Variants in PDE1C observed in about 807,000 individuals in gnomAD.
The protein encoded by PDE1C is phosphodiesterase 1C.
PDE1C carries 62 observed loss-of-function variants against 93.1 expected under a neutral mutation model. That is an observed-to-expected ratio of 0.67 (90% confidence interval 0.54 to 0.82). The LOEUF (loss-of-function observed/expected upper bound fraction) is 0.82. PDE1C is among the 40% of genes least tolerant of loss of function. The pLI is 0.00. For synonymous variants in PDE1C, 325 were observed against 310.1 expected, an observed-to-expected ratio of 1.05 and a Z score of -0.50; for missense variants, 742 against 884.6, an observed-to-expected ratio of 0.84 and a Z score of 2.04.
intron 2 of PDE1C, among the ~76,000 whole-genome samples, chr7:31,889,634 C>A (rs1354425581): frequency 6.6e-6 from 1 of 152,134 alleles, no homozygotes; most frequent in Admixed American, 6.6e-5. Flanking sequence ...AGTGAATCTC[C>A]TTTGGGGATA....
intron 15 of PDE1C, among the ~76,000 whole-genome samples, chr7:31,813,392 A>G (rs1253587086): frequency 6.6e-6 from 1 of 152,150 alleles, no homozygotes; most frequent in Non-Finnish European, 1.5e-5. Context: ...CTGGCTATAC[A>G]GTGTCTGGTT....
At chr7:32,338,622 T>C (rs918255303) in intron 1 of PDE1C, among the ~76,000 whole-genome samples, 5 of 152,220 alleles carry the variant, frequency 3.3e-5, no homozygotes, top group Admixed American at 2.6e-4. Context: ...CCAGGAATAC[T>C]ACTTCTGGGT....
intron 9 of PDE1C, chr7:31,847,748 G>A (rs1792813067): frequency 4.1e-6 from 2 of 489,684 alleles, no homozygotes; most frequent in Admixed American, 3.6e-5. Flanking sequence ...ACATTCCATA[G>A]CCTTTATTTA....
At chr7:32,274,305 T>C (rs1354305332) in intron 1 of PDE1C, among the ~76,000 whole-genome samples, 1 of 150,708 alleles carries the variant, frequency 6.6e-6, no homozygotes, top group East Asian at 1.9e-4. Flanking sequence ...ACTCCTGAGC[T>C]CAAATGATCC....
intron 2 of PDE1C, among the ~76,000 whole-genome samples, chr7:32,179,355 G>C (rs1274052681): frequency 6.6e-6 from 1 of 150,810 alleles, no homozygotes; most frequent in Non-Finnish European, 1.5e-5. Flanking sequence ...CACCTCCCAG[G>C]TTCAAGCGAT....
chr7:31,792,270 C>T (rs1336673503), intron 16 of PDE1C, among the ~76,000 whole-genome samples: 1 of 152,104 alleles, frequency 6.6e-6, no homozygotes, highest in Non-Finnish European at 1.5e-5. Context: ...TCTTTGAGAA[C>T]AGGGAAAACA....
chr7:32,056,327 T>C (rs1794077402), intron 1 of PDE1C, among the ~76,000 whole-genome samples: 1 of 101,744 alleles, frequency 9.8e-6, no homozygotes, highest in African/African-American at 4.3e-5. Flanking sequence ...CCGTTCTCTC[T>C]CTCTCTCTCT....
intron 4 of PDE1C, 132 bp downstream of exon 4, chr7:31,878,864 C>T: frequency 1.2e-6 from 1 of 820,238 alleles, no homozygotes. Context: ...TCATTCAAGA[C>T]TATCTGTTTC....
the PDE1C span, among the ~76,000 whole-genome samples, chr7:31,723,966 C>A: frequency 6.6e-6 from 1 of 152,082 alleles, no homozygotes; most frequent in African/African-American, 2.4e-5. Context: ...TCCACTCCTT[C>A]TTACTTCTAT....
intron 2 of PDE1C, among the ~76,000 whole-genome samples, chr7:31,894,750 C>T (rs965539547): frequency 1.3e-5 from 2 of 152,160 alleles, no homozygotes; most frequent in African/African-American, 4.8e-5. Context: ...CACTTGAATG[C>T]ACTGATGTGT....
intron 2 of PDE1C, among the ~76,000 whole-genome samples, chr7:31,934,467 C>T (rs1804749064): frequency 6.6e-6 from 1 of 151,466 alleles, no homozygotes. Flanking sequence ...ACATGCTTTG[C>T]ACTGAAACTA....
chr7:31,905,330 G>T (rs1024265325), intron 2 of PDE1C, among the ~76,000 whole-genome samples: 1 of 151,930 alleles, frequency 6.6e-6, no homozygotes, highest in African/African-American at 2.4e-5. Context: ...CCTGGACTTT[G>T]TTATCTTGGC....
chr7:32,415,924 C>T (rs1583431018), intron 1 of PDE1C, among the ~76,000 whole-genome samples: 1 of 152,320 alleles, frequency 6.6e-6, no homozygotes, highest in African/African-American at 2.4e-5. Flanking sequence ...GGAGCTGGTT[C>T]TTAGGGAAAG....
intron 16 of PDE1C, chr7:31,790,170 A>C: frequency 3.7e-6 from 6 of 1,600,052 alleles, no homozygotes; most frequent in Non-Finnish European, 5.1e-6. Context: ...GAAGAAGGAG[A>C]AGAAGGAGAA....
At chr7:32,165,309 T>G (rs1424070786) in intron 3 of PDE1C, among the ~76,000 whole-genome samples, 1 of 152,204 alleles carries the variant, frequency 6.6e-6, no homozygotes, top group Non-Finnish European at 1.5e-5. Context: ...ATGCGTTATC[T>G]CCTTTAAATC....
At position 31,824,883 on chromosome 7, in the gene PDE1C, C is replaced by G. The variant is rs754743229; in HGVS notation, c.1390G>C (p.Gly464Arg). The G allele has an allele frequency of 5.0e-6, 8 of 1,613,144 alleles. No individual in the cohort carries two copies. In the African/African-American group the frequency reaches 1.1e-4, roughly 22 times the overall value. The stretch of plus-strand genomic sequence containing the variant: ...CCCACTGACCTCGAACGCCTCTGTC[C>G]TGTCCCACCAGTTTGAGAGGTTTCA... ...IDETSQTGGT[G>R]QRRSSLNSIS... is the part of the protein sequence containing the mutation. Residue 464 changes from glycine to arginine, a missense_variant, in exon 13 of 18, where the codon GGA (glycine) becomes CGA (arginine). This residue lies in a region of PDE1C where 454 missense variants were observed against 459.4 expected (regional missense o/e 0.99). Coordinates refer to ENST00000396191, the MANE Select transcript of PDE1C (RefSeq NM_001191057.4).
chr7:31,778,041 GAGCC>G (rs1783130468), intron 16 of PDE1C, among the ~76,000 whole-genome samples: 1 of 152,146 alleles, frequency 6.6e-6, no homozygotes, highest in Non-Finnish European at 1.5e-5. Flanking sequence ...CCAGGGAATG[GAGCC>G]AGCAATTTGA....
At chr7:32,368,431 G>A (rs1784264029) in intron 1 of PDE1C, among the ~76,000 whole-genome samples, 1 of 151,902 alleles carries the variant, frequency 6.6e-6, no homozygotes, top group African/African-American at 2.4e-5. Context: ...TAAAATGTCT[G>A]GGAATAAGGA....
chr7:31,781,271 G>A (rs568302186), intron 16 of PDE1C, among the ~76,000 whole-genome samples: 12 of 152,288 alleles, frequency 7.9e-5, no homozygotes, highest in Non-Finnish European at 1.2e-4. Context: ...TATGCCTGCT[G>A]GAGAAAGGGT....
Sources: gnomAD v4.1 joint callset for allele counts (sites outside exome capture counted in the v4.1 genomes callset) on GRCh38, gnomAD v4.1.1 for gene constraint, gnomAD v4.1.1 regional missense constraint, MANE v1.5 for transcripts, NCBI Gene and HGNC (gene_info 2026-07-23, HGNC 2026-07-21) for gene names.